Variants in TNIK observed in about 807,000 individuals in gnomAD.
TNIK encodes TRAF2 and NCK interacting kinase.
Under a neutral mutation model 191.3 loss-of-function variants are expected in TNIK, and 49 were observed. That is an observed-to-expected ratio of 0.26 (90% CI 0.20 to 0.32). The LOEUF is 0.32. Among genes scored for constraint, TNIK ranks in the 10% least tolerant of loss-of-function variants. The pLI is 1.00. For synonymous variants in TNIK, 594 were observed against 600.9 expected, an observed-to-expected ratio of 0.99 and a Z score of 0.17; for missense variants, 1,155 against 1,702.3, an observed-to-expected ratio of 0.68 and a Z score of 5.66.
intron 22 of TNIK, among the ~76,000 whole-genome samples, chr3:171,098,609 G>A (rs1394923935): frequency 6.6e-6 from 1 of 152,100 alleles, no homozygotes; most frequent in East Asian, 1.9e-4. Flanking sequence ...CAAAATGGCT[G>A]GTGCTCCATT....
At chr3:171,137,968 CAAAA>C (rs58897378) in intron 15 of TNIK, among the ~76,000 whole-genome samples, 1 of 119,568 alleles carries the variant, frequency 8.4e-6, no homozygotes, top group Non-Finnish European at 1.8e-5. Flanking sequence ...CAAAGATATA[CAAAA>C]AAAAAAAAAA....
At position 171,172,360 on chromosome 3, in the gene TNIK, G is replaced by A. The variant is rs572235479; in HGVS notation, c.773+2892C>T. Among the ~76,000 whole-genome samples the A allele has an allele frequency of 2.1e-4, 32 of 152,246 alleles. No homozygotes were observed. The South Asian group carries it at 6.4e-3, about 31-fold the overall frequency. Reference sequence around the variant, plus strand: ...AGAGAATAGCTGGAAATAAAAGAATGTTTTGGAATTTTGTCTCTTGGTCGG... The same window carrying A: ...AGAGAATAGCTGGAAATAAAAGAATATTTTGGAATTTTGTCTCTTGGTCGG... On this transcript the variant is annotated intron_variant, in intron 9 of 32. Transcript: ENST00000436636.
chr3:171,246,522 C>T (rs922673646), intron 2 of TNIK, among the ~76,000 whole-genome samples: 1 of 152,090 alleles, frequency 6.6e-6, no homozygotes, highest in Non-Finnish European at 1.5e-5. Flanking sequence ...TAAGGAAACG[C>T]ACAAAGAAGT....
chr3:171,305,841 T>C (rs1401933252), intron 2 of TNIK, among the ~76,000 whole-genome samples: 2 of 152,160 alleles, frequency 1.3e-5, no homozygotes, highest in African/African-American at 4.8e-5. Context: ...AACTACCATT[T>C]CGACCCAGCA....
intron 1 of TNIK, among the ~76,000 whole-genome samples, chr3:171,410,972 G>T (rs1253718445): frequency 2.0e-5 from 3 of 151,930 alleles, no homozygotes; most frequent in Non-Finnish European, 4.4e-5. Flanking sequence ...TGCCTTGCAT[G>T]GTCTGCATCA....
intron 18 of TNIK, among the ~76,000 whole-genome samples, chr3:171,118,189 T>C (rs1273974128): frequency 6.6e-6 from 1 of 152,138 alleles, no homozygotes; most frequent in African/African-American, 2.4e-5. Flanking sequence ...CCATTCACAA[T>C]TGCTTCAAAG....
intron 12 of TNIK, among the ~76,000 whole-genome samples, chr3:171,144,373 C>A (rs1225769930): frequency 3.3e-5 from 5 of 152,120 alleles, no homozygotes; most frequent in Admixed American, 1.3e-4. Flanking sequence ...TGATGTTCGC[C>A]AAGGATGATT....
In TNIK at chr3:171,137,530, G is replaced by GTC. The variant is rs1361167335; in HGVS notation, c.1608+659_1608+660dup. On this transcript the variant is annotated intron_variant, in intron 15 of 32. Coordinates refer to ENST00000436636, the MANE Select transcript of TNIK (RefSeq NM_015028.4). The stretch of plus-strand genomic sequence containing the variant: ...GTTATTTTGTTTGTTTGCTTTACCT[G>GTC]TCTGGCTATCACCCTTTTTTCCCTC... Among the ~76,000 whole-genome samples the GTC allele has an allele frequency of 2.0e-5, 3 of 152,288 alleles. No homozygotes were observed. The East Asian group carries it at 5.8e-4, about 29-fold the overall frequency.
intron 32 of TNIK, 83 bp downstream of exon 32, chr3:171,066,104 G>C: frequency 5.2e-6 from 8 of 1,536,924 alleles, no homozygotes; most frequent in Non-Finnish European, 6.2e-6. Context: ...ATTCAAATCA[G>C]TATAAAGGAA....
At chr3:171,198,900 AG>A (rs1279814847) in intron 4 of TNIK, among the ~76,000 whole-genome samples, 2 of 152,222 alleles carry the variant, frequency 1.3e-5, no homozygotes, top group Admixed American at 1.3e-4. Context: ...TACATTGACC[AG>A]GCCTCCTGTG....
chr3:171,219,182 TAATC>T, intron 3 of TNIK, among the ~76,000 whole-genome samples: 1 of 94,756 alleles, frequency 1.1e-5, no homozygotes, highest in Middle Eastern at 4.8e-3. Flanking sequence ...AATCATTCAA[TAATC>T]ATTTACTCAA....
intron 2 of TNIK, among the ~76,000 whole-genome samples, chr3:171,332,824 C>G (rs114602690): frequency 2.6e-5 from 4 of 152,224 alleles, no homozygotes; most frequent in Admixed American, 2.0e-4. Flanking sequence ...GAGATTATTC[C>G]CAGCAAAGGA....
chr3:171,082,904 T>C (rs1720870058), intron 26 of TNIK, among the ~76,000 whole-genome samples: 1 of 152,194 alleles, frequency 6.6e-6, no homozygotes. Flanking sequence ...TTATGCCCCA[T>C]ACCCTCAAGT....
intron 2 of TNIK, among the ~76,000 whole-genome samples, chr3:171,277,389 T>C (rs1381726131): frequency 1.3e-5 from 2 of 152,128 alleles, no homozygotes; most frequent in African/African-American, 4.8e-5. Context: ...GATTTGAAGA[T>C]AACATTCAGA....
chr3:171,112,384 G>A lies in TNIK; in HGVS notation c.2121-1507C>T, dbSNP rs1304750594. 2.6e-5 allele frequency among the ~76,000 whole-genome samples: 4 copies of A among 152,286 alleles called. No individual in the cohort carries two copies. In the East Asian group the frequency reaches 5.8e-4, roughly 22 times the overall value. Reference sequence around the variant, plus strand: ...ACCAGCTACTGGATGTGTACAGGATGAACTCTTGTTCATCACATTGAAAAT... The same window carrying A: ...ACCAGCTACTGGATGTGTACAGGATAAACTCTTGTTCATCACATTGAAAAT... On this transcript the variant is annotated intron_variant, in intron 18 of 32. Coordinates refer to ENST00000436636, the MANE Select transcript of TNIK (RefSeq NM_015028.4).
chr3:171,182,599 G>C (rs1736806073), intron 7 of TNIK, among the ~76,000 whole-genome samples: 1 of 152,184 alleles, frequency 6.6e-6, no homozygotes, highest in Non-Finnish European at 1.5e-5. Flanking sequence ...AAACAGAAGA[G>C]AGACAAATTC....
At chr3:171,228,796 T>C (rs911048365) in intron 2 of TNIK, among the ~76,000 whole-genome samples, 6 of 152,142 alleles carry the variant, frequency 3.9e-5, no homozygotes, top group Admixed American at 6.5e-5. Flanking sequence ...GCTCTTTTGG[T>C]CTTTAGAACC....
intron 2 of TNIK, among the ~76,000 whole-genome samples, chr3:171,319,358 A>C (rs1416030375): frequency 6.6e-6 from 1 of 152,150 alleles, no homozygotes; most frequent in African/African-American, 2.4e-5. Flanking sequence ...TTCTAACCAC[A>C]GTCTGGAAGG....
At chr3:171,288,496 C>T (rs780688359) in intron 2 of TNIK, among the ~76,000 whole-genome samples, 6 of 152,028 alleles carry the variant, frequency 3.9e-5, no homozygotes, top group Non-Finnish European at 7.4e-5. Context: ...CCACGGACAA[C>T]AAATTATGCT....
Sources: allele counts gnomAD v4.1 joint callset (sites outside exome capture counted in the v4.1 genomes callset), GRCh38; gene constraint gnomAD v4.1.1; transcripts MANE v1.5; gene names NCBI Gene and HGNC (gene_info 2026-07-23, HGNC 2026-07-21).